Variants in PCDHGA8 observed in about 807,000 individuals in gnomAD.
The protein encoded by PCDHGA8 is protocadherin gamma-A8.
In PCDHGA8, 45 loss-of-function variants were observed where a neutral mutation model predicts 59.2. That is an observed-to-expected ratio of 0.76 (90% CI 0.60 to 0.98). The LOEUF (loss-of-function observed/expected upper bound fraction) is 0.98, where lower values mean the gene tolerates loss of function less well. Among genes scored for constraint, PCDHGA8 ranks in the 50% least tolerant of loss-of-function variants. The probability of loss-of-function intolerance (pLI) is 0.00; values close to 1 mark genes in which losing one functional copy is unlikely to be tolerated. For missense variants in PCDHGA8, 1,257 were observed against 1,196.2 expected (o/e 1.05, Z -0.75); for synonymous variants, 531 against 519.0 (o/e 1.02, Z -0.32).
At chr5:141,423,833 T>A in intron 1 of PCDHGA8, 1 of 1,262,398 alleles carries the variant, frequency 7.9e-7, no homozygotes, top group Non-Finnish European at 1.0e-6. Context: ...TTCATGAGAT[T>A]ACGATAATCT....
chr5:141,428,057 G>T, intron 1 of PCDHGA8: 1 of 1,609,044 alleles, frequency 6.2e-7, no homozygotes, highest in Non-Finnish European at 8.5e-7. Flanking sequence ...AGGTGGTGGC[G>T]GTGGACGCAG....
chr5:141,474,608 T>C (rs1469173973), intron 1 of PCDHGA8, among the ~76,000 whole-genome samples: 1 of 152,268 alleles, frequency 6.6e-6, no homozygotes, highest in Non-Finnish European at 1.5e-5. Flanking sequence ...AGGTCACATA[T>C]GGCTTTTCAT....
rs578223384 is a variant in PCDHGA8 at position 141,400,070 on chromosome 5, C to T, written c.2424+4833C>T. Reference sequence around the variant, plus strand: ...GTTGCTGTGCGTGATGGTGGACAGCCGCCACTCTCCGCCACCGCCACGCTG... The same window carrying T: ...GTTGCTGTGCGTGATGGTGGACAGCTGCCACTCTCCGCCACCGCCACGCTG... On this transcript the variant is annotated intron_variant, in intron 1 of 3. Coordinates refer to ENST00000398604, the MANE Select transcript of PCDHGA8 (RefSeq NM_032088.2). 1.2e-6 allele frequency: 2 copies of T among 1,613,922 alleles called. No individual in the cohort carries two copies. Among genetic ancestry groups the T allele is most frequent in the African/African-American group, 1.3e-5 (1 of 75,062 alleles).
Position 141,489,153 on chromosome 5 carries a change from G to T in PCDHGA8, c.2425-5654G>T. 1 of 935,828 alleles carries T rather than the reference G, an allele frequency of 1.1e-6. No individual in the cohort carries two copies. Among genetic ancestry groups the T allele is most frequent in the South Asian group, 1.8e-5 (1 of 55,006 alleles). 58.0% of individuals were successfully genotyped at this position (935,828 alleles called of 1,614,324 possible). A position where few individuals can be genotyped will look rare whatever the true frequency, so the allele number is the denominator to read the frequency against. Reference sequence around the variant, plus strand: ...TTTAAGAGGCTGGAAGGAGACATAAGAGACTTCAGCTGCTGCATTCCAAGC... The same window carrying T: ...TTTAAGAGGCTGGAAGGAGACATAATAGACTTCAGCTGCTGCATTCCAAGC... On this transcript the variant is annotated intron_variant, in intron 1 of 3. Transcript: ENST00000398604. The surrounding 1 kb of genome is among the most constrained non-coding windows in gnomAD (Gnocchi z 4.5).
In PCDHGA8 at chr5:141,432,265, G is replaced by A. The variant is rs756993242; in HGVS notation, c.2424+37028G>A. On this transcript the variant is annotated intron_variant, in intron 1 of 3. Transcript: ENST00000398604. The surrounding 1 kb of genome is among the most constrained non-coding windows in gnomAD (Gnocchi z 6.0). ...ACACCATCCAAGGGGCAAGCCTATCGTCCTACGTGTCCATCAACTCCGACA... is the reference window on the plus strand; with the variant it reads ...ACACCATCCAAGGGGCAAGCCTATCATCCTACGTGTCCATCAACTCCGACA... 2.5e-6 allele frequency: 4 copies of A among 1,614,092 alleles called. No individual in the cohort carries two copies. The highest frequency in any genetic ancestry group is 1.7e-5 in the Admixed American group (1 of 60,004).
chr5:141,405,238 C>T, intron 1 of PCDHGA8: 1 of 1,614,168 alleles, frequency 6.2e-7, no homozygotes, highest in African/African-American at 1.3e-5. Flanking sequence ...TCACCGCTGA[C>T]TCAAGGAAGA....
chr5:141,423,758 G>GGT (rs138224377), intron 1 of PCDHGA8: 10 of 366,772 alleles, frequency 2.7e-5, no homozygotes, highest in Non-Finnish European at 1.5e-5. Flanking sequence ...TTTGGGGGGG[G>GGT]GGTGGGGCGG....
chr5:141,434,277 A>G (rs760937958), intron 1 of PCDHGA8, among the ~76,000 whole-genome samples: 4 of 152,172 alleles, frequency 2.6e-5, no homozygotes, highest in Non-Finnish European at 4.4e-5. Flanking sequence ...AATTAGAGGT[A>G]TTCTCTGTTT....
intron 1 of PCDHGA8, chr5:141,404,943 T>C: frequency 1.2e-6 from 2 of 1,613,914 alleles, no homozygotes; most frequent in Non-Finnish European, 8.5e-7. Context: ...ACAGTAGCCA[T>C]AGCTGACAGC....
chr5:141,402,616 A>G (rs974813396), intron 1 of PCDHGA8, among the ~76,000 whole-genome samples: 1 of 152,256 alleles, frequency 6.6e-6, no homozygotes, highest in African/African-American at 2.4e-5. Flanking sequence ...AAATGCAAGA[A>G]ACAATTGGAG....
intron 1 of PCDHGA8, among the ~76,000 whole-genome samples, chr5:141,449,840 T>C (rs1367482819): frequency 6.6e-6 from 1 of 151,692 alleles, no homozygotes; most frequent in Non-Finnish European, 1.5e-5. Context: ...TTTTATATAA[T>C]TAAATTTTAA....
intron 1 of PCDHGA8, among the ~76,000 whole-genome samples, chr5:141,407,336 G>A (rs1005803062): frequency 6.6e-6 from 1 of 152,240 alleles, no homozygotes; most frequent in Admixed American, 6.5e-5. Flanking sequence ...ATATTGAAAT[G>A]TATGTTAATT....
rs911465424 is a variant in PCDHGA8 at position 141,449,724 on chromosome 5, AT to A, written c.2425-45076del. ...AAACACATTATTTTTATATGATATG[AT>A]TTTTTTATGACATGATTATTTTTAT... On this transcript the variant is annotated intron_variant, in intron 1 of 3. Coordinates refer to ENST00000398604, the MANE Select transcript of PCDHGA8 (RefSeq NM_032088.2). 1.2e-4 allele frequency among the ~76,000 whole-genome samples: 18 copies of A among 151,282 alleles called. No homozygotes were observed. The South Asian group carries it at 1.9e-3, about 16-fold the overall frequency.
chr5:141,421,322 T>TC (rs761059925), intron 1 of PCDHGA8: 24 of 1,613,746 alleles, frequency 1.5e-5, no homozygotes, highest in Middle Eastern at 1.6e-4. Flanking sequence ...GCCAGGCAGA[T>TC]CCGATATTCG....
Position 141,490,705 on chromosome 5 carries a change from C to T in PCDHGA8, c.2425-4102C>T. 1 of 1,614,194 alleles carries T rather than the reference C, an allele frequency of 6.2e-7. No individual in the cohort carries two copies. Among genetic ancestry groups the T allele is most frequent in the South Asian group, 1.1e-5 (1 of 91,082 alleles). On this transcript the variant is annotated intron_variant, in intron 1 of 3. Coordinates refer to ENST00000398604, the MANE Select transcript of PCDHGA8 (RefSeq NM_032088.2). This position sits in a 1 kb window ranked among gnomAD's most constrained non-coding sequence, Gnocchi z 5.4. ...TCCAGACACTGGGGATAATGCCCGC[C>T]TCACCTACTCCATTGTAGGAAATCA...
intron 1 of PCDHGA8, among the ~76,000 whole-genome samples, chr5:141,458,079 C>G (rs1016889225): frequency 6.6e-6 from 1 of 152,186 alleles, no homozygotes; most frequent in Non-Finnish European, 1.5e-5. Context: ...AACTATATTG[C>G]CGTAAGTTAA....
At chr5:141,415,264 C>G (rs1342050986) in intron 1 of PCDHGA8, 2 of 1,614,210 alleles carry the variant, frequency 1.2e-6, no homozygotes, top group Non-Finnish European at 1.7e-6. Flanking sequence ...CACTCTGTAC[C>G]TGGTGGTAGC....
Position 141,511,176 on chromosome 5 carries a change from T to C in PCDHGA8, c.*3T>C, listed in dbSNP as rs375508988. On this transcript the variant is annotated 3_prime_UTR_variant, in exon 4 of 4. Transcript: ENST00000398604. ...CGGGCAAGAAGGAGAAGAAGTAACA[T>C]GGAGGCCAGGCCAAGAGCCACAGGG... 198 of 1,614,046 alleles carry C rather than the reference T, an allele frequency of 1.2e-4. 1 individual carries two copies. The highest frequency in any genetic ancestry group is 6.5e-5 in the Non-Finnish European group (77 of 1,179,964).
chr5:141,510,229 C>T (rs904367594), intron 3 of PCDHGA8, among the ~76,000 whole-genome samples: 3 of 150,486 alleles, frequency 2.0e-5, no homozygotes, highest in African/African-American at 7.4e-5. Context: ...GCCGGGATCG[C>T]GCCACTGCAC....
Sources: allele counts gnomAD v4.1 joint callset (sites outside exome capture counted in the v4.1 genomes callset), GRCh38; gene constraint gnomAD v4.1.1; non-coding constraint Gnocchi (gnomAD v3.1); transcripts MANE v1.5; gene names NCBI Gene and HGNC (gene_info 2026-07-23, HGNC 2026-07-21).